The following MKLN1 variants were observed in gnomAD, a reference collection of about 807,000 sequenced individuals.
MKLN1 encodes the protein muskelin 1.
MKLN1 carries 18 observed loss-of-function variants against 99.0 expected under a neutral mutation model. The observed-to-expected ratio is 0.18, with a 90% confidence interval of 0.13 to 0.27. The LOEUF is 0.27. Among genes scored for constraint, MKLN1 ranks in the 10% least tolerant of loss-of-function variants. The pLI is 1.00. For synonymous variants in MKLN1, 288 were observed against 293.2 expected, an observed-to-expected ratio of 0.98 and a Z score of 0.18; for missense variants, 621 against 875.9, an observed-to-expected ratio of 0.71 and a Z score of 3.67.
At position 131,492,060 on chromosome 7, in the gene MKLN1, A is replaced by ATAATGGCTGTGGCAGCTT. The variant is rs1260232435; in HGVS notation, c.*4339_*4356dup. The ATAATGGCTGTGGCAGCTT allele has an allele frequency of 2.6e-5, 4 of 152,220 alleles. No homozygotes were observed. The highest frequency in any genetic ancestry group is 6.5e-5 in the Admixed American group (1 of 15,274). The allele number at this position is 152,220 out of a possible 1,614,324, so 9.4% of individuals were successfully genotyped here. A position where few individuals can be genotyped will look rare whatever the true frequency, so the allele number is the denominator to read the frequency against. On this transcript the variant is annotated 3_prime_UTR_variant, in exon 18 of 18. Transcript: ENST00000352689. ...GAGTCATTTTCATTTGGGGATAGTA[A>ATAATGGCTGTGGCAGCTT]TAATGGCTGTGGCAGCTTTAATGGA...
intron 1 of MKLN1, among the ~76,000 whole-genome samples, chr7:131,340,498 C>G (rs1461685858): frequency 6.6e-6 from 1 of 152,036 alleles, no homozygotes; most frequent in Non-Finnish European, 1.5e-5. Context: ...AGGCTGGTCT[C>G]AAACTCCTGA....
At chr7:131,234,254 A>G (rs1359036403) in intron 3 of MKLN1, among the ~76,000 whole-genome samples, 3 of 152,232 alleles carry the variant, frequency 2.0e-5, no homozygotes, top group Non-Finnish European at 4.4e-5. Flanking sequence ...TGCTGGGATT[A>G]CAGGTGTGAG....
intron 3 of MKLN1, among the ~76,000 whole-genome samples, chr7:131,240,041 C>A (rs1797378427): frequency 6.6e-6 from 1 of 151,972 alleles, no homozygotes; most frequent in Admixed American, 6.6e-5. Flanking sequence ...ATTAGCAGGA[C>A]ATGATGGTGC....
At chr7:131,378,601 G>T (rs971540305) in intron 2 of MKLN1, among the ~76,000 whole-genome samples, 1 of 152,132 alleles carries the variant, frequency 6.6e-6, no homozygotes, top group Admixed American at 6.5e-5. Context: ...AGGCCAAGAC[G>T]GGTGGATCAC....
intron 1 of MKLN1, among the ~76,000 whole-genome samples, chr7:131,336,785 C>G (rs1428359629): frequency 6.6e-6 from 1 of 152,084 alleles, no homozygotes; most frequent in Non-Finnish European, 1.5e-5. Flanking sequence ...ACATTTAAAT[C>G]CAGAGACTGT....
At chr7:131,253,804 C>T (rs986952584) in intron 3 of MKLN1, among the ~76,000 whole-genome samples, 12 of 152,112 alleles carry the variant, frequency 7.9e-5, no homozygotes, top group South Asian at 6.2e-4. Context: ...TTATAAACAA[C>T]GGAGAATTTA....
At chr7:131,228,290 C>T (rs186379050) in intron 3 of MKLN1, among the ~76,000 whole-genome samples, 22 of 152,170 alleles carry the variant, frequency 1.4e-4, no homozygotes, top group Admixed American at 5.2e-4. Context: ...AGCAATAGAA[C>T]ATTCTTATCA....
At chr7:131,316,173 A>C (rs1798665200) in intron 3 of MKLN1, among the ~76,000 whole-genome samples, 1 of 152,164 alleles carries the variant, frequency 6.6e-6, no homozygotes, top group Admixed American at 6.5e-5. Context: ...ACCTCCCAAC[A>C]GGGGTTGACA....
At chr7:131,203,509 G>A (rs986236866) in intron 3 of MKLN1, among the ~76,000 whole-genome samples, 13 of 152,122 alleles carry the variant, frequency 8.5e-5, no homozygotes, top group Admixed American at 2.6e-4. Flanking sequence ...AGCAGCGGCT[G>A]CATCTGCACA....
chr7:131,113,498 G>A (rs1795227200), intron 1 of MKLN1, among the ~76,000 whole-genome samples: 1 of 152,054 alleles, frequency 6.6e-6, no homozygotes, highest in African/African-American at 2.4e-5. Flanking sequence ...ATTTTAAGGG[G>A]CATAGTGAAC....
intron 1 of MKLN1, among the ~76,000 whole-genome samples, chr7:131,332,901 C>G: frequency 6.6e-6 from 1 of 151,210 alleles, no homozygotes; most frequent in East Asian, 2.0e-4. Flanking sequence ...GTAGCTGGGA[C>G]TACAGGCACA....
At chr7:131,384,141 G>GA (rs1365945548) in intron 2 of MKLN1, among the ~76,000 whole-genome samples, 1 of 151,330 alleles carries the variant, frequency 6.6e-6, no homozygotes, top group Non-Finnish European at 1.5e-5. Flanking sequence ...GCAGTACCTA[G>GA]AACTAATTTT....
chr7:131,445,704 A>C (rs1795992788), intron 11 of MKLN1, 70 bp from the exon 12 acceptor site: 2 of 1,346,526 alleles, frequency 1.5e-6, no homozygotes, highest in Non-Finnish European at 2.0e-6. Flanking sequence ...TTAAGTTTTT[A>C]AAGGATCATT....
rs112377606 is a variant in MKLN1, at chr7:131,391,636, C to T, written c.400+2664C>T. On this transcript the variant is annotated intron_variant, in intron 4 of 17. Transcript: ENST00000352689. ...AGCTGAACTGATGTCATTGGACTGC[C>T]TTCCTTCAGGAAAGTTTTACTTTCC... Among the ~76,000 whole-genome samples the T allele has an allele frequency of 3.5e-3, 532 of 152,264 alleles. 2 individuals carry two copies. The highest frequency in any genetic ancestry group is 0.012 in the African/African-American group (506 of 41,546).
At chr7:131,228,966 T>G (rs9640862) in intron 3 of MKLN1, among the ~76,000 whole-genome samples, 74,493 of 151,966 alleles carry the variant, frequency 0.49, 18,678 homozygotes, top group East Asian at 0.55. Flanking sequence ...AACCCAAGAA[T>G]TATTGAGTAA....
intron 3 of MKLN1, among the ~76,000 whole-genome samples, chr7:131,247,618 G>T (rs191039729): frequency 4.6e-5 from 7 of 152,016 alleles, no homozygotes; most frequent in Non-Finnish European, 1.5e-5. Flanking sequence ...CACTTCCACC[G>T]CTCCTAAATG....
At chr7:131,275,839 TACAGCTGAAGGTAG>T (rs1451417451) in intron 3 of MKLN1, among the ~76,000 whole-genome samples, 1 of 151,944 alleles carries the variant, frequency 6.6e-6, no homozygotes, top group Admixed American at 6.6e-5. Flanking sequence ...AAGCTAATGG[TACAGCTGAAGGTAG>T]ACAGCTGAAG....
At chr7:131,431,595 G>A (rs1310546677) in intron 9 of MKLN1, among the ~76,000 whole-genome samples, 1 of 152,128 alleles carries the variant, frequency 6.6e-6, no homozygotes, top group Non-Finnish European at 1.5e-5. Context: ...GTAGACATGA[G>A]CAATCCATCA....
At chr7:131,181,012 A>C (rs1258800644) in intron 2 of MKLN1, among the ~76,000 whole-genome samples, 1 of 152,172 alleles carries the variant, frequency 6.6e-6, no homozygotes, top group African/African-American at 2.4e-5. Flanking sequence ...ACACCCTTAC[A>C]TGTCTGCCAC....
Sources: allele counts gnomAD v4.1 joint callset (sites outside exome capture counted in the v4.1 genomes callset), GRCh38; gene constraint gnomAD v4.1.1; transcripts MANE v1.5; gene names NCBI Gene and HGNC (gene_info 2026-07-23, HGNC 2026-07-21).